Variants in POR observed in about 807,000 individuals in gnomAD.
POR encodes the protein cytochrome p450 oxidoreductase, also known as NADPH--cytochrome P450 reductase.
A neutral mutation model predicts 84.0 loss-of-function variants in POR; 56 were observed. The observed-to-expected ratio is 0.67, with a 90% CI of 0.54 to 0.83. POR has a LOEUF of 0.83. POR is among the 40% of genes least tolerant of loss of function. POR has a pLI of 0.00. For missense variants in POR, 938 were observed against 944.3 expected (o/e 0.99, Z 0.09); for synonymous variants, 414 against 400.5 (o/e 1.03, Z -0.40).
In POR at chr7:75,986,552, TCC is replaced by T; in HGVS notation, c.*72_*73del. On this transcript the variant is annotated 3_prime_UTR_variant, in exon 16 of 16. Coordinates refer to ENST00000461988, the MANE Select transcript of POR (RefSeq NM_000941.3). ...GCTCTCCTGGCTCCCTCCCGTAGTC[TCC>T]TGGGTGTGTTTGGCTTGGCCTTGGC... 1 of 1,541,230 alleles carries T rather than the reference TCC, an allele frequency of 6.5e-7. No individual in the cohort carries two copies. The highest frequency in any genetic ancestry group is 8.7e-7 in the Non-Finnish European group (1 of 1,146,910).
intron 10 of POR, among the ~76,000 whole-genome samples, 180 bp downstream of exon 10, chr7:75,984,036 C>A (rs750172302): frequency 1.3e-5 from 2 of 152,180 alleles, no homozygotes; most frequent in Non-Finnish European, 2.9e-5. Flanking sequence ...CCCTAGGGGT[C>A]TAGCCCTCTC....
At chr7:75,983,412 GGAGATCTCT>G in intron 8 of POR, 99 bp from the exon 9 acceptor site, 1 of 754,772 alleles carries the variant, frequency 1.3e-6, no homozygotes, top group East Asian at 2.5e-5. Context: ...ATTTCCTCAT[GGAGATCTCT>G]GAGATTCCCT....
At chr7:75,966,744 T>C (rs1028054865) in intron 2 of POR, among the ~76,000 whole-genome samples, 1 of 152,164 alleles carries the variant, frequency 6.6e-6, no homozygotes, top group Non-Finnish European at 1.5e-5. Context: ...TCTCGGTTCA[T>C]CTCGGTCCAA....
At chr7:75,933,140 C>T (rs1284992805) in intron 1 of POR, among the ~76,000 whole-genome samples, 2 of 151,662 alleles carry the variant, frequency 1.3e-5, no homozygotes, top group Admixed American at 6.6e-5. Context: ...TAAAATATAG[C>T]ACATTTTCTT....
At chr7:75,924,127 G>A (rs781939140) in intron 1 of POR, among the ~76,000 whole-genome samples, 2 of 152,112 alleles carry the variant, frequency 1.3e-5, no homozygotes, top group Non-Finnish European at 2.9e-5. Flanking sequence ...TGCAGCAGTC[G>A]ACCAAGCCCG....
At position 75,922,617 on chromosome 7, in the gene POR, C is replaced by G. The variant is rs573014002; in HGVS notation, c.-5+7438C>G. 21 of 193,754 alleles carry G rather than the reference C, an allele frequency of 1.1e-4. No homozygotes were observed. In the East Asian group the frequency reaches 2.6e-3, roughly 24 times the overall value. 12.0% of individuals were successfully genotyped at this position (193,754 alleles called of 1,614,324 possible). A position where few individuals can be genotyped will look rare whatever the true frequency, so the allele number is the denominator to read the frequency against. ...GGGATTACAGGCGTGAGCCACTGCG[C>G]CTGGCCTGGTCTGTACTTCTGAAGA... On this transcript the variant is annotated intron_variant, in intron 1 of 15. Coordinates refer to ENST00000461988, the MANE Select transcript of POR (RefSeq NM_000941.3).
chr7:75,968,691 C>T (rs2116510277), intron 2 of POR, among the ~76,000 whole-genome samples: 2 of 152,352 alleles, frequency 1.3e-5, no homozygotes, highest in Non-Finnish European at 2.9e-5. Flanking sequence ...ACAGGTCCGC[C>T]TCCAGCTCCT....
Position 75,931,426 on chromosome 7 carries a change from G to T in POR, c.-5+16247G>T, listed in dbSNP as rs538882096. Among the ~76,000 whole-genome samples the T allele has an allele frequency of 2.6e-5, 4 of 151,598 alleles. No individual in the cohort carries two copies. The South Asian group carries it at 8.3e-4, about 32-fold the overall frequency. On this transcript the variant is annotated intron_variant, in intron 1 of 15. Transcript: ENST00000461988. ...CTCTCACGCAGGCTATAATGCAGTG[G>T]TGCAGTCTTGGCTCACTGCAACCTC...
At chr7:75,935,428 G>T (rs1807621321) in intron 1 of POR, among the ~76,000 whole-genome samples, 1 of 152,026 alleles carries the variant, frequency 6.6e-6, no homozygotes. Context: ...TGTATTTTTA[G>T]TAGGGACAGG....
At chr7:75,982,096 G>A in intron 7 of POR, 128 bp from the exon 8 acceptor site, 1 of 708,016 alleles carries the variant, frequency 1.4e-6, no homozygotes, top group Non-Finnish European at 2.6e-6. Context: ...GGGCTCCCCT[G>A]CTTCTTGTCG....
chr7:75,916,999 T>C (rs541343564), intron 1 of POR, among the ~76,000 whole-genome samples: 22 of 152,180 alleles, frequency 1.4e-4, no homozygotes, highest in Non-Finnish European at 2.5e-4. Context: ...CAAAACTGCT[T>C]GGCAAATCCA....
chr7:75,943,500 G>A (rs782799107), intron 1 of POR, among the ~76,000 whole-genome samples: 21 of 152,112 alleles, frequency 1.4e-4, no homozygotes, highest in Non-Finnish European at 2.2e-4. Context: ...TCCCTTGTTC[G>A]ATCACATATA....
intron 2 of POR, among the ~76,000 whole-genome samples, chr7:75,955,808 A>G (rs1027120816): frequency 6.6e-6 from 1 of 152,172 alleles, no homozygotes; most frequent in East Asian, 1.9e-4. Flanking sequence ...CTTGGCAGGA[A>G]CAAGCCACAC....
At chr7:75,959,897 C>A (rs1202985535) in intron 2 of POR, among the ~76,000 whole-genome samples, 1 of 152,144 alleles carries the variant, frequency 6.6e-6, no homozygotes, top group Non-Finnish European at 1.5e-5. Flanking sequence ...CCGGGGAGGT[C>A]TTTTGGACTG....
intron 1 of POR, among the ~76,000 whole-genome samples, chr7:75,925,662 G>T (rs143388647): frequency 0.017 from 2,574 of 152,332 alleles, 29 homozygotes; most frequent in Non-Finnish European, 0.024. Flanking sequence ...GAGGTGCTGG[G>T]ACTACTTTTG....
chr7:75,983,815 G>C lies in POR; in HGVS notation c.1025G>C (p.Gly342Ala), dbSNP rs782270201. Residue 342 changes from glycine to alanine, a missense_variant, in exon 10 of 16, where the codon GGT (glycine) becomes GCT (alanine). Transcript: ENST00000461988. Reference sequence around the variant, plus strand: ...GTCAACCAGCTGGGCAAAATCCTGGGTGCCGACCTGGACGTCGTCATGTCC... The same window carrying C: ...GTCAACCAGCTGGGCAAAATCCTGGCTGCCGACCTGGACGTCGTCATGTCC... 9 of 1,611,916 alleles carry C rather than the reference G, an allele frequency of 5.6e-6. No individual in the cohort carries two copies. Among genetic ancestry groups the C allele is most frequent in the South Asian group, 2.2e-5 (2 of 90,992 alleles).
chr7:75,981,487 G>A (rs782113857), intron 6 of POR, 30 bp from the exon 7 acceptor site: 4 of 1,593,926 alleles, frequency 2.5e-6, no homozygotes, highest in Non-Finnish European at 1.7e-6. Flanking sequence ...CCTCCCCTGA[G>A]CCGCTCCCCC....
At chr7:75,982,159 A>C in intron 7 of POR, 65 bp from the exon 8 acceptor site, 2 of 1,294,438 alleles carry the variant, frequency 1.5e-6, no homozygotes, top group South Asian at 2.5e-5. Flanking sequence ...CCTGTAGTCC[A>C]ACCCCTCCCT....
At chr7:75,962,255 A>T (rs1787972519) in intron 2 of POR, among the ~76,000 whole-genome samples, 1 of 152,116 alleles carries the variant, frequency 6.6e-6, no homozygotes, top group Non-Finnish European at 1.5e-5. Context: ...GGGAGAGGTC[A>T]GGTATATTCA....
Sources: gnomAD v4.1 joint callset for allele counts (sites outside exome capture counted in the v4.1 genomes callset) on GRCh38, gnomAD v4.1.1 for gene constraint, MANE v1.5 for transcripts, NCBI Gene and HGNC (gene_info 2026-07-23, HGNC 2026-07-21) for gene names.